The following TNKS variants were observed in gnomAD, a reference collection of about 807,000 sequenced individuals.
TNKS encodes poly [ADP-ribose] polymerase tankyrase-1.
A neutral mutation model predicts 135.8 loss-of-function variants in TNKS; 72 were observed. The ratio of observed to expected loss-of-function variants is 0.53; its 90% CI spans 0.44 to 0.64. The LOEUF is 0.64. Among genes scored for constraint, TNKS ranks in the 30% least tolerant of loss-of-function variants. The probability of loss-of-function intolerance (pLI) is 0.00; values close to 1 mark genes in which losing one functional copy is unlikely to be tolerated. For missense variants in TNKS, 1,769 were observed against 1,674.0 expected (o/e 1.06, Z -0.99); for synonymous variants, 849 against 649.3 (o/e 1.31, Z -4.68).
At position 9,658,371 on chromosome 8, in the gene TNKS, G is replaced by A. The variant is rs923345911; in HGVS notation, c.995-21580G>A. 3.7e-3 allele frequency: 4,559 copies of A among 1,242,634 alleles called. 79 individuals are homozygous for A. The highest frequency in any genetic ancestry group is 2.6e-3 in the African/African-American group (164 of 62,352). The allele number at this position is 1,242,634 out of a possible 1,614,324, so 77.0% of individuals were successfully genotyped here. A position where few individuals can be genotyped will look rare whatever the true frequency, so the allele number is the denominator to read the frequency against. ...CCCAGGCGGCGCTCGCCGGCGCGGC[G>A]GCAAAGACTGAGACAGCTCCGCTGC... On this transcript the variant is annotated intron_variant, in intron 3 of 26. Coordinates refer to ENST00000310430, the MANE Select transcript of TNKS (RefSeq NM_003747.3).
At chr8:9,585,321 C>G (rs976922439) in intron 2 of TNKS, among the ~76,000 whole-genome samples, 1 of 151,718 alleles carries the variant, frequency 6.6e-6, no homozygotes, top group Non-Finnish European at 1.5e-5. Context: ...CATTTTAAAC[C>G]TTACACGTGA....
chr8:9,607,671 A>G (rs544709464), intron 2 of TNKS, among the ~76,000 whole-genome samples: 123 of 152,320 alleles, frequency 8.1e-4, no homozygotes, highest in African/African-American at 2.8e-3. Context: ...AACATGTTGT[A>G]TTATACTATA....
rs139515620 is a variant in TNKS at position 9,711,339 on chromosome 8, C to G, written c.1749+1119C>G. Among the ~76,000 whole-genome samples the G allele has an allele frequency of 9.9e-3, 1,502 of 152,280 alleles. 22 individuals are homozygous for G. Among genetic ancestry groups the G allele is most frequent in the African/African-American group, 0.034 (1,412 of 41,562 alleles). On this transcript the variant is annotated intron_variant, in intron 11 of 26. Coordinates refer to ENST00000310430, the MANE Select transcript of TNKS (RefSeq NM_003747.3). ...AGGTAAGAGTGGGACTTGTTAGTAT[C>G]GAGGGATTGACAGTGGCAAACTCAC...
chr8:9,710,266 C>A (rs1393214220), intron 11 of TNKS, 46 bp downstream of exon 11: 4 of 1,571,972 alleles, frequency 2.5e-6, no homozygotes, highest in Admixed American at 1.7e-5. Context: ...CACTGAGCAG[C>A]CAGCTGCTCT....
At chr8:9,763,327 A>C (rs1367905371) in intron 22 of TNKS, 83 bp downstream of exon 22, 3 of 911,602 alleles carry the variant, frequency 3.3e-6, no homozygotes, top group East Asian at 5.4e-5. Flanking sequence ...CTCGTCTTAC[A>C]TTGCCTTGCG....
chr8:9,756,160 T>C (rs1474129854), intron 20 of TNKS, among the ~76,000 whole-genome samples: 1 of 152,172 alleles, frequency 6.6e-6, no homozygotes, highest in Non-Finnish European at 1.5e-5. Flanking sequence ...TGTATTTTCA[T>C]GGAAAGTGAC....
chr8:9,582,976 C>T (rs555321301), intron 2 of TNKS, among the ~76,000 whole-genome samples: 123 of 152,050 alleles, frequency 8.1e-4, no homozygotes, highest in African/African-American at 2.8e-3. Context: ...ACCATCCTGG[C>T]TAACACGGTG....
chr8:9,636,894 T>C (rs1256275397), intron 3 of TNKS, among the ~76,000 whole-genome samples: 1 of 152,184 alleles, frequency 6.6e-6, no homozygotes, highest in Non-Finnish European at 1.5e-5. Context: ...TTCTCTTCTT[T>C]GGGAAAACAT....
chr8:9,762,294 A>G (rs1585432478), intron 21 of TNKS, among the ~76,000 whole-genome samples: 1 of 152,186 alleles, frequency 6.6e-6, no homozygotes, highest in Non-Finnish European at 1.5e-5. Flanking sequence ...GAGCTAATCA[A>G]ATTATAAAAG....
At chr8:9,698,877 A>G (rs1193090904) in intron 5 of TNKS, among the ~76,000 whole-genome samples, 2 of 152,232 alleles carry the variant, frequency 1.3e-5, no homozygotes, top group Non-Finnish European at 2.9e-5. Context: ...GACATCTTTA[A>G]TTTATAGGAC....
intron 2 of TNKS, among the ~76,000 whole-genome samples, chr8:9,594,124 C>G (rs1258331283): frequency 6.6e-6 from 1 of 152,030 alleles, no homozygotes; most frequent in Non-Finnish European, 1.5e-5. Context: ...TGACCTCAGG[C>G]GGTCCACCTG....
intron 1 of TNKS, among the ~76,000 whole-genome samples, chr8:9,562,232 G>T (rs1441561772): frequency 1.3e-5 from 2 of 151,832 alleles, no homozygotes; most frequent in East Asian, 1.9e-4. Context: ...TATATATTCT[G>T]CATACTAGTG....
chr8:9,729,072 A>G (rs1805294614), intron 13 of TNKS, among the ~76,000 whole-genome samples: 1 of 152,180 alleles, frequency 6.6e-6, no homozygotes, highest in Non-Finnish European at 1.5e-5. Context: ...TCTGCCTTCA[A>G]GGTGGTGTCT....
intron 3 of TNKS, among the ~76,000 whole-genome samples, chr8:9,636,484 T>G (rs1170444035): frequency 6.6e-6 from 1 of 152,186 alleles, no homozygotes; most frequent in African/African-American, 2.4e-5. Flanking sequence ...ATTGATGGTC[T>G]TTTCTATTGA....
chr8:9,674,823 A>C (rs1419082538), intron 3 of TNKS, among the ~76,000 whole-genome samples: 1 of 152,196 alleles, frequency 6.6e-6, no homozygotes, highest in Non-Finnish European at 1.5e-5. Flanking sequence ...TTAGAATTTA[A>C]GGACAACAAA....
chr8:9,591,294 G>A (rs1000799405), intron 2 of TNKS, among the ~76,000 whole-genome samples: 1 of 152,110 alleles, frequency 6.6e-6, no homozygotes, highest in Admixed American at 6.5e-5. Context: ...TGTGCATATC[G>A]TTAGTTTTTT....
At chr8:9,718,073 C>CT (rs1013608321) in intron 11 of TNKS, among the ~76,000 whole-genome samples, 10 of 152,156 alleles carry the variant, frequency 6.6e-5, no homozygotes, top group African/African-American at 2.2e-4. Context: ...AAAGCAAGAT[C>CT]TTTGTATTGT....
intron 3 of TNKS, among the ~76,000 whole-genome samples, chr8:9,637,826 CA>C (rs1299533194): frequency 6.6e-6 from 1 of 152,160 alleles, no homozygotes; most frequent in Non-Finnish European, 1.5e-5. Flanking sequence ...GAAAGAAACT[CA>C]ATTAAGAATG....
intron 3 of TNKS, among the ~76,000 whole-genome samples, chr8:9,625,034 A>G (rs929804963): frequency 6.6e-6 from 1 of 152,174 alleles, no homozygotes; most frequent in Non-Finnish European, 1.5e-5. Flanking sequence ...AATGTTTGGT[A>G]GAATTCACTA....
Sources: gnomAD v4.1 joint callset for allele counts (sites outside exome capture counted in the v4.1 genomes callset) on GRCh38, gnomAD v4.1.1 for gene constraint, MANE v1.5 for transcripts, NCBI Gene and HGNC (gene_info 2026-07-23, HGNC 2026-07-21) for gene names.